CACNA2D3: variants seen among roughly 807,000 people sequenced by gnomAD.
CACNA2D3 encodes the protein voltage-dependent calcium channel subunit alpha-2/delta-3.
Under a neutral mutation model 160.6 loss-of-function variants are expected in CACNA2D3, and 60 were observed. That is an observed-to-expected ratio of 0.37 (90% confidence interval 0.30 to 0.46). CACNA2D3 has a LOEUF of 0.46. CACNA2D3 is among the 20% of genes least tolerant of loss of function. The probability of loss-of-function intolerance (pLI) is 1.00; values close to 1 mark genes in which losing one functional copy is unlikely to be tolerated. For missense variants in CACNA2D3, 1,205 were observed against 1,365.0 expected, an observed-to-expected ratio of 0.88 and a Z score of 1.85; for synonymous variants, 558 against 492.9, an observed-to-expected ratio of 1.13 and a Z score of -1.75.
chr3:54,460,802 C>T (rs1285221492), intron 4 of CACNA2D3, among the ~76,000 whole-genome samples: 1 of 152,128 alleles, frequency 6.6e-6, no homozygotes, highest in Admixed American at 6.5e-5. Context: ...GCCAGAACTT[C>T]CAACACTATG....
At chr3:54,375,267 T>C (rs947754846) in intron 3 of CACNA2D3, among the ~76,000 whole-genome samples, 1 of 152,240 alleles carries the variant, frequency 6.6e-6, no homozygotes, top group Non-Finnish European at 1.5e-5. Context: ...TCCTGGACTC[T>C]AATGTCCTTG....
At chr3:54,720,295 A>G (rs1411602482) in intron 11 of CACNA2D3, among the ~76,000 whole-genome samples, 1 of 151,938 alleles carries the variant, frequency 6.6e-6, no homozygotes, top group African/African-American at 2.4e-5. Flanking sequence ...GTAATAGTGC[A>G]CTTTTAGATA....
At chr3:54,922,291 G>C (rs1700874317) in intron 27 of CACNA2D3, among the ~76,000 whole-genome samples, 1 of 151,484 alleles carries the variant, frequency 6.6e-6, no homozygotes, top group Non-Finnish European at 1.5e-5. Flanking sequence ...TCCCATCCCA[G>C]GTTGCTTCCA....
chr3:54,896,137 C>A (rs1428553211), intron 25 of CACNA2D3, among the ~76,000 whole-genome samples: 1 of 152,120 alleles, frequency 6.6e-6, no homozygotes, highest in Non-Finnish European at 1.5e-5. Context: ...CTGCACCTAG[C>A]CTTCCCGATA....
intron 4 of CACNA2D3, among the ~76,000 whole-genome samples, chr3:54,466,132 G>A (rs779903153): frequency 6.6e-5 from 10 of 152,094 alleles, no homozygotes; most frequent in Non-Finnish European, 1.0e-4. Flanking sequence ...TCACATCTCC[G>A]TATTTTAAGG....
rs1473397943 is a variant in CACNA2D3 at position 55,074,167 on chromosome 3, CCTT to C, written c.3240_3242del (p.Leu1082del). On this transcript the variant is annotated inframe_deletion, in exon 38 of 38. Coordinates refer to ENST00000474759, the MANE Select transcript of CACNA2D3 (RefSeq NM_018398.3). Reference sequence around the variant, plus strand: ...CGAGTCTCCAAGCCCAGACAGTCCTCCTTCTGCTCCCTCTGCTTTTGATGCTCT... The same window carrying C: ...CGAGTCTCCAAGCCCAGACAGTCCTCCTGCTCCCTCTGCTTTTGATGCTCT... The C allele has an allele frequency of 7.4e-6, 12 of 1,613,792 alleles. No individual in the cohort carries two copies. Among genetic ancestry groups the C allele is most frequent in the African/African-American group, 1.3e-5 (1 of 74,906 alleles).
chr3:54,380,858 T>G (rs1444946361), intron 3 of CACNA2D3, among the ~76,000 whole-genome samples: 1 of 152,232 alleles, frequency 6.6e-6, no homozygotes, highest in Non-Finnish European at 1.5e-5. Flanking sequence ...TTTCTACACA[T>G]TGAACTCTTG....
chr3:54,155,007 C>T (rs989760708), intron 2 of CACNA2D3, among the ~76,000 whole-genome samples: 3 of 152,132 alleles, frequency 2.0e-5, no homozygotes, highest in Admixed American at 6.5e-5. Context: ...AAATAACAAA[C>T]CATTATCACC....
chr3:54,339,385 A>C (rs966198242), intron 3 of CACNA2D3, among the ~76,000 whole-genome samples: 1 of 151,984 alleles, frequency 6.6e-6, no homozygotes, highest in African/African-American at 2.4e-5. Flanking sequence ...CCCTACCCCA[A>C]ATACCCCCTT....
chr3:54,255,976 G>C (rs1702286230), intron 2 of CACNA2D3, among the ~76,000 whole-genome samples: 1 of 151,912 alleles, frequency 6.6e-6, no homozygotes, highest in South Asian at 2.1e-4. Context: ...GGTGGGCAAT[G>C]AGACACATAA....
At chr3:54,343,208 G>C (rs1173610786) in intron 3 of CACNA2D3, among the ~76,000 whole-genome samples, 1 of 152,128 alleles carries the variant, frequency 6.6e-6, no homozygotes, top group African/African-American at 2.4e-5. Flanking sequence ...CCCACGAGGA[G>C]ATTGTTAAAT....
At chr3:54,862,571 C>T (rs1341310511) in intron 17 of CACNA2D3, among the ~76,000 whole-genome samples, 1 of 152,168 alleles carries the variant, frequency 6.6e-6, no homozygotes, top group African/African-American at 2.4e-5. Flanking sequence ...TTGCCAGCTT[C>T]CTGCCCTGCT....
intron 2 of CACNA2D3, among the ~76,000 whole-genome samples, chr3:54,188,294 G>C (rs777174447): frequency 6.6e-6 from 1 of 152,178 alleles, no homozygotes; most frequent in Non-Finnish European, 1.5e-5. Context: ...AGGAGAGGCT[G>C]TGCAGGAATT....
intron 4 of CACNA2D3, among the ~76,000 whole-genome samples, chr3:54,446,596 CT>C (rs1392860048): frequency 6.6e-6 from 1 of 152,058 alleles, no homozygotes; most frequent in Middle Eastern, 3.4e-3. Context: ...TTTTTGTGTC[CT>C]TTTTTTCCCT....
At chr3:54,914,960 T>C (rs113400004) in intron 27 of CACNA2D3, among the ~76,000 whole-genome samples, 5,156 of 152,210 alleles carry the variant, frequency 0.034, 122 homozygotes, top group Non-Finnish European at 0.049. Context: ...ATTTTAGAAA[T>C]TAGTTTAACC....
intron 13 of CACNA2D3, among the ~76,000 whole-genome samples, chr3:54,811,646 C>T (rs1204333496): frequency 1.3e-5 from 2 of 151,934 alleles, no homozygotes; most frequent in Non-Finnish European, 2.9e-5. Context: ...TACAGGCACA[C>T]TCCACCATGC....
chr3:54,338,502 T>TGG (rs1464832979), intron 3 of CACNA2D3, among the ~76,000 whole-genome samples: 1 of 151,640 alleles, frequency 6.6e-6, no homozygotes, highest in African/African-American at 2.4e-5. Context: ...TGTGTGTGTG[T>TGG]GTGTGTGTGT....
intron 35 of CACNA2D3, among the ~76,000 whole-genome samples, chr3:55,020,947 A>G (rs1275597423): frequency 6.6e-6 from 1 of 152,006 alleles, no homozygotes; most frequent in Non-Finnish European, 1.5e-5. Flanking sequence ...GAGAGTGGCG[A>G]TACTTTTTCT....
At chr3:54,655,072 A>T (rs986651762) in intron 11 of CACNA2D3, among the ~76,000 whole-genome samples, 1 of 152,222 alleles carries the variant, frequency 6.6e-6, no homozygotes, top group Non-Finnish European at 1.5e-5. Flanking sequence ...GGTGCTGGAC[A>T]TGTTAGCTTA....
Sources: allele counts gnomAD v4.1 joint callset (sites outside exome capture counted in the v4.1 genomes callset), GRCh38; gene constraint gnomAD v4.1.1; transcripts MANE v1.5; gene names NCBI Gene and HGNC (gene_info 2026-07-23, HGNC 2026-07-21).